ADAMTS16: variants seen among roughly 807,000 people sequenced by gnomAD.
ADAMTS16 encodes the protein ADAM metallopeptidase with thrombospondin type 1 motif 16.
A neutral mutation model predicts 145.8 loss-of-function variants in ADAMTS16; 94 were observed. The observed-to-expected ratio is 0.64, with a 90% CI of 0.55 to 0.77. ADAMTS16 has a LOEUF of 0.77. Ranked by LOEUF, ADAMTS16 falls within the 30% of genes least tolerant of loss-of-function variation. The probability of loss-of-function intolerance (pLI) is 0.00; values close to 1 mark genes in which losing one functional copy is unlikely to be tolerated. For synonymous variants in ADAMTS16, 659 were observed against 604.3 expected, an observed-to-expected ratio of 1.09 and a Z score of -1.33; for missense variants, 1,585 against 1,591.5, an observed-to-expected ratio of 1.00 and a Z score of 0.07.
chr5:5,150,550 G>T (rs1734424003), intron 3 of ADAMTS16, among the ~76,000 whole-genome samples: 1 of 152,234 alleles, frequency 6.6e-6, no homozygotes, highest in Admixed American at 6.5e-5. Context: ...GGCACATGAC[G>T]TGCTGGACAA....
chr5:5,241,934 A>G, intron 16 of ADAMTS16, 119 bp from the exon 17 acceptor site: 1 of 1,218,140 alleles, frequency 8.2e-7, no homozygotes, highest in Non-Finnish European at 1.1e-6. Context: ...AATGTATTTT[A>G]TCATCATAAC....
chr5:5,208,757 A>G (rs904133146), intron 9 of ADAMTS16, among the ~76,000 whole-genome samples: 7 of 152,360 alleles, frequency 4.6e-5, no homozygotes, highest in Middle Eastern at 6.8e-3. Flanking sequence ...AGAAGTGTGC[A>G]TAAAAGATGT....
chr5:5,208,739 T>C (rs1248534637), intron 9 of ADAMTS16, among the ~76,000 whole-genome samples: 2 of 152,224 alleles, frequency 1.3e-5, no homozygotes, highest in African/African-American at 4.8e-5. Flanking sequence ...TTTTGGTTGA[T>C]TCTGCCAAGA....
At chr5:5,305,253 CCA>C (rs1221144237) in intron 20 of ADAMTS16, among the ~76,000 whole-genome samples, 1 of 98,344 alleles carries the variant, frequency 1.0e-5, no homozygotes, top group Non-Finnish European at 2.0e-5. Flanking sequence ...CAATCCCACA[CCA>C]CACACACAAT....
intron 4 of ADAMTS16, 96 bp downstream of exon 4, chr5:5,182,401 C>G: frequency 6.8e-7 from 1 of 1,477,830 alleles, no homozygotes; most frequent in South Asian, 1.3e-5. Context: ...TGTCTGCCCA[C>G]GGGGTGAAAT....
At chr5:5,277,317 G>A (rs1412769313) in intron 18 of ADAMTS16, among the ~76,000 whole-genome samples, 1 of 152,126 alleles carries the variant, frequency 6.6e-6, no homozygotes, top group Non-Finnish European at 1.5e-5. Flanking sequence ...TCAGTTACTC[G>A]GCAGATACTT....
intron 18 of ADAMTS16, among the ~76,000 whole-genome samples, chr5:5,264,806 C>T (rs1382234300): frequency 6.6e-6 from 1 of 152,002 alleles, no homozygotes; most frequent in Non-Finnish European, 1.5e-5. Context: ...AAATTAAGTG[C>T]TTAAGATGCA....
intron 9 of ADAMTS16, among the ~76,000 whole-genome samples, chr5:5,208,155 T>C (rs1425779855): frequency 6.6e-6 from 1 of 152,184 alleles, no homozygotes; most frequent in Non-Finnish European, 1.5e-5. Flanking sequence ...GGCTATATGT[T>C]GCTTTTTATG....
chr5:5,318,181 C>G lies in ADAMTS16; in HGVS notation c.3459C>G (p.Cys1153Trp). The change falls in exon 22 of 23, where the codon TGC (cysteine) becomes TGG (tryptophan). Residue 1153 changes from cysteine (C) to tryptophan (W), a missense_variant. Coordinates refer to ENST00000274181, the MANE Select transcript of ADAMTS16 (RefSeq NM_139056.4). ...GCGTTCAGACGAGGTCCGTGCAGTGCCTGGCTGGGGGCCGGCCGGCCTCAG... is the reference window on the plus strand; with the variant it reads ...GCGTTCAGACGAGGTCCGTGCAGTGGCTGGCTGGGGGCCGGCCGGCCTCAG... ...GGGVQTRSVQCLAGGRPASGC... is the reference protein window; with the variant it reads ...GGGVQTRSVQWLAGGRPASGC... 6.4e-7 allele frequency: 1 copy of G among 1,558,916 alleles called. No homozygotes were observed. Among genetic ancestry groups the G allele is most frequent in the East Asian group, 2.3e-5 (1 of 42,734 alleles).
chr5:5,190,699 G>A (rs922163479), intron 7 of ADAMTS16, among the ~76,000 whole-genome samples: 1 of 152,136 alleles, frequency 6.6e-6, no homozygotes. Context: ...AGTTCCTAGG[G>A]AGGAAGGGTT....
intron 3 of ADAMTS16, among the ~76,000 whole-genome samples, chr5:5,160,314 A>G (rs1560928318): frequency 6.6e-6 from 1 of 152,104 alleles, no homozygotes; most frequent in Non-Finnish European, 1.5e-5. Flanking sequence ...CTACTTTAAA[A>G]CTTTCTTGGA....
At chr5:5,251,156 A>G (rs902766873) in intron 17 of ADAMTS16, among the ~76,000 whole-genome samples, 1 of 152,196 alleles carries the variant, frequency 6.6e-6, no homozygotes, top group African/African-American at 2.4e-5. Context: ...AAAGAACACA[A>G]ATCATTCCTG....
chr5:5,218,625 T>C (rs1008790407), intron 10 of ADAMTS16, among the ~76,000 whole-genome samples: 3 of 152,204 alleles, frequency 2.0e-5, no homozygotes, highest in African/African-American at 4.8e-5. Context: ...TATCCTAAGC[T>C]CTTTCCCAGT....
intron 13 of ADAMTS16, among the ~76,000 whole-genome samples, chr5:5,235,792 T>A (rs1737090016): frequency 1.3e-5 from 2 of 151,816 alleles, no homozygotes; most frequent in South Asian, 4.1e-4. Flanking sequence ...GAAAACCTAA[T>A]CATCTCATTG....
chr5:5,188,994 T>A (rs1735585518), intron 6 of ADAMTS16, among the ~76,000 whole-genome samples: 1 of 152,250 alleles, frequency 6.6e-6, no homozygotes, highest in Non-Finnish European at 1.5e-5. Context: ...TTCCTGGAAA[T>A]CACCTGCTAA....
At chr5:5,188,339 G>A (rs1735566899) in intron 6 of ADAMTS16, among the ~76,000 whole-genome samples, 1 of 152,184 alleles carries the variant, frequency 6.6e-6, no homozygotes, top group African/African-American at 2.4e-5. Flanking sequence ...TTCCCTCACT[G>A]CATGCAAAAA....
intron 17 of ADAMTS16, among the ~76,000 whole-genome samples, chr5:5,258,995 C>T (rs894867660): frequency 2.0e-5 from 3 of 152,076 alleles, no homozygotes; most frequent in Admixed American, 6.6e-5. Context: ...GGGCAGGAGC[C>T]GTTGTGAGGC....
chr5:5,302,646 G>A (rs1293545446), intron 18 of ADAMTS16, among the ~76,000 whole-genome samples: 1 of 152,210 alleles, frequency 6.6e-6, no homozygotes, highest in Non-Finnish European at 1.5e-5. Context: ...AAGAGAAGAT[G>A]TGAATCTGTT....
intron 15 of ADAMTS16, 34 bp downstream of exon 15, chr5:5,239,308 C>T (rs763668450): frequency 6.6e-7 from 1 of 1,511,426 alleles, no homozygotes; most frequent in Non-Finnish European, 8.8e-7. Context: ...AAGCCTTGGG[C>T]AAAGAAGATT....
Sources: allele counts gnomAD v4.1 joint callset (sites outside exome capture counted in the v4.1 genomes callset), GRCh38; gene constraint gnomAD v4.1.1; transcripts MANE v1.5; gene names NCBI Gene and HGNC (gene_info 2026-07-23, HGNC 2026-07-21).